Variants in LDLRAD3 observed in about 807,000 individuals in gnomAD.
LDLRAD3 encodes the protein low density lipoprotein receptor class A domain containing 3, also known as low-density lipoprotein receptor class A domain-containing protein 3.
A neutral mutation model predicts 29.4 loss-of-function variants in LDLRAD3; 20 were observed. That is an observed-to-expected ratio of 0.68 (90% confidence interval 0.48 to 0.99). LDLRAD3 has a LOEUF of 0.99. Among genes scored for constraint, LDLRAD3 ranks in the 50% least tolerant of loss-of-function variants. LDLRAD3 has a pLI of 0.00. For synonymous variants in LDLRAD3, 157 were observed against 192.7 expected (o/e 0.81, Z 1.53); for missense variants, 420 against 454.3 (o/e 0.92, Z 0.69).
At chr11:36,015,351 C>T (rs1016065474) in intron 1 of LDLRAD3, among the ~76,000 whole-genome samples, 1 of 150,326 alleles carries the variant, frequency 6.7e-6, no homozygotes. Flanking sequence ...CCGTCCCCAC[C>T]CCTTGTCATT....
chr11:36,003,972 G>A (rs576462792), intron 1 of LDLRAD3, among the ~76,000 whole-genome samples: 1 of 152,214 alleles, frequency 6.6e-6, no homozygotes, highest in African/African-American at 2.4e-5. Flanking sequence ...CACAAAAACA[G>A]CAAAGGGGAA....
intron 4 of LDLRAD3, among the ~76,000 whole-genome samples, chr11:36,121,365 A>G (rs1170481868): frequency 1.3e-5 from 2 of 151,940 alleles, no homozygotes; most frequent in Non-Finnish European, 2.9e-5. Flanking sequence ...GGGGTGGTGG[A>G]GTGCAGCCTC....
intron 3 of LDLRAD3, among the ~76,000 whole-genome samples, chr11:36,083,780 A>ACAC (rs1341157355): frequency 2.7e-5 from 2 of 74,782 alleles, no homozygotes; most frequent in African/African-American, 9.8e-5. Flanking sequence ...ACACACACAC[A>ACAC]CCCCAGAATA....
At chr11:36,128,124 ATATATATATATG>A (rs1853867019) in intron 4 of LDLRAD3, among the ~76,000 whole-genome samples, 2 of 123,324 alleles carry the variant, frequency 1.6e-5, no homozygotes, top group South Asian at 2.7e-4. Context: ...TTACATATAT[ATATATATATATG>A]TATATGACAT....
At chr11:36,090,358 C>T (rs779684712) in intron 3 of LDLRAD3, among the ~76,000 whole-genome samples, 2 of 152,016 alleles carry the variant, frequency 1.3e-5, no homozygotes, top group Non-Finnish European at 2.9e-5. Context: ...GAGGGAGAGG[C>T]TAGGAGCAGA....
chr11:36,133,682 T>C (rs956808590), intron 4 of LDLRAD3, among the ~76,000 whole-genome samples: 7 of 150,980 alleles, frequency 4.6e-5, no homozygotes, highest in East Asian at 3.9e-4. Context: ...CACAGGCGCC[T>C]GCCACCACGC....
chr11:36,009,123 C>T (rs1002483245), intron 1 of LDLRAD3, among the ~76,000 whole-genome samples: 1 of 152,086 alleles, frequency 6.6e-6, no homozygotes, highest in African/African-American at 2.4e-5. Context: ...TCCTGGTATC[C>T]AGTGAAATGG....
chr11:36,197,311 A>G (rs1282023971), intron 4 of LDLRAD3: 1 of 152,198 alleles, frequency 6.6e-6, no homozygotes, highest in Non-Finnish European at 1.5e-5. Flanking sequence ...GGAATGTGTG[A>G]TCAATCTTTT....
At chr11:35,992,709 A>T (rs1373901587) in intron 1 of LDLRAD3, among the ~76,000 whole-genome samples, 2 of 152,168 alleles carry the variant, frequency 1.3e-5, no homozygotes, top group Non-Finnish European at 2.9e-5. Flanking sequence ...TTGGGAGGAA[A>T]TAGGGCATGG....
chr11:36,193,017 T>C (rs1052554360), intron 4 of LDLRAD3, among the ~76,000 whole-genome samples: 1 of 152,212 alleles, frequency 6.6e-6, no homozygotes, highest in Non-Finnish European at 1.5e-5. Context: ...GTAGTGTCTA[T>C]GTTGTAACAT....
intron 3 of LDLRAD3, among the ~76,000 whole-genome samples, chr11:36,096,089 C>A (rs898587928): frequency 6.6e-6 from 1 of 152,198 alleles, no homozygotes; most frequent in Non-Finnish European, 1.5e-5. Flanking sequence ...GGCCAGACCA[C>A]TTTTGTTTGA....
At chr11:36,074,130 C>T (rs931481476) in intron 2 of LDLRAD3, among the ~76,000 whole-genome samples, 1 of 152,230 alleles carries the variant, frequency 6.6e-6, no homozygotes, top group African/African-American at 2.4e-5. Context: ...TTCATTTGGA[C>T]ATTATGCAAA....
chr11:36,113,925 C>T (rs760923690), intron 4 of LDLRAD3, among the ~76,000 whole-genome samples: 14 of 152,156 alleles, frequency 9.2e-5, no homozygotes, highest in Non-Finnish European at 1.8e-4. Context: ...CCACCTGCCT[C>T]GGCCTCCCAA....
chr11:36,034,642 C>T (rs999873413), intron 1 of LDLRAD3, among the ~76,000 whole-genome samples: 3 of 152,288 alleles, frequency 2.0e-5, no homozygotes, highest in East Asian at 1.9e-4. Context: ...TTGCCTGTGA[C>T]GGTGTCCATT....
chr11:36,202,764 A>G lies in LDLRAD3; in HGVS notation c.455-24321A>G, dbSNP rs80302085. Among the ~76,000 whole-genome samples, 660 of 152,320 alleles carry G rather than the reference A, an allele frequency of 4.3e-3. 3 individuals are homozygous for G. The highest frequency in any genetic ancestry group is 7.3e-3 in the Non-Finnish European group (500 of 68,032). ...TTTTCCAAGGTCACCTTCATACTAC[A>G]GATAGATGTCCCAGGGGCACCTAAG... On this transcript the variant is annotated intron_variant, in intron 4 of 5. Coordinates refer to ENST00000315571, the MANE Select transcript of LDLRAD3 (RefSeq NM_174902.4).
intron 4 of LDLRAD3, among the ~76,000 whole-genome samples, chr11:36,154,068 A>G (rs1854312116): frequency 6.6e-6 from 1 of 152,122 alleles, no homozygotes; most frequent in South Asian, 2.1e-4. Context: ...TCAACCACTG[A>G]GTTGTCCCAG....
At chr11:36,204,152 TTGG>T (rs1188278165) in intron 4 of LDLRAD3, among the ~76,000 whole-genome samples, 2 of 152,166 alleles carry the variant, frequency 1.3e-5, no homozygotes, top group African/African-American at 4.8e-5. Context: ...ATGGGCAAAC[TTGG>T]TGAAGTGAGA....
intron 4 of LDLRAD3, among the ~76,000 whole-genome samples, chr11:36,205,265 A>G (rs1391786122): frequency 3.3e-5 from 5 of 152,198 alleles, no homozygotes; most frequent in Non-Finnish European, 5.9e-5. Flanking sequence ...TGTCATCATT[A>G]TGAATGCCCC....
chr11:35,976,788 G>A (rs1442447370), intron 1 of LDLRAD3, among the ~76,000 whole-genome samples: 2 of 152,164 alleles, frequency 1.3e-5, no homozygotes, highest in African/African-American at 4.8e-5. Context: ...TTTCAAAAGA[G>A]TCTATTTTAG....
Sources: gnomAD v4.1 joint callset for allele counts (sites outside exome capture counted in the v4.1 genomes callset) on GRCh38, gnomAD v4.1.1 for gene constraint, MANE v1.5 for transcripts, NCBI Gene and HGNC (gene_info 2026-07-23, HGNC 2026-07-21) for gene names.